PHACTR4: variants seen among roughly 807,000 people sequenced by gnomAD.
PHACTR4 encodes protein phosphatase 1, regulatory subunit 124.
PHACTR4 carries 51 observed loss-of-function variants against 72.7 expected under a neutral mutation model. The observed-to-expected ratio is 0.70, with a 90% confidence interval of 0.56 to 0.89. PHACTR4 has a LOEUF of 0.89. PHACTR4 is among the 40% of genes least tolerant of loss of function. The pLI is 0.00. For synonymous variants in PHACTR4, 255 were observed against 302.5 expected (o/e 0.84, Z 1.63); for missense variants, 731 against 861.8 (o/e 0.85, Z 1.90).
At chr1:28,476,807 G>A (rs998663209) in intron 8 of PHACTR4, among the ~76,000 whole-genome samples, 2 of 113,106 alleles carry the variant, frequency 1.8e-5, no homozygotes, top group Admixed American at 1.9e-4. Context: ...TTTTGCTCTT[G>A]TTGCCCAGGC....
intron 9 of PHACTR4, among the ~76,000 whole-genome samples, chr1:28,486,193 C>T (rs1660634535): frequency 6.6e-6 from 1 of 151,840 alleles, no homozygotes; most frequent in South Asian, 2.1e-4. Flanking sequence ...TTCATCTCTA[C>T]TAAAAATACA....
chr1:28,449,544 A>T (rs1657780270), intron 2 of PHACTR4, among the ~76,000 whole-genome samples: 1 of 152,150 alleles, frequency 6.6e-6, no homozygotes, highest in African/African-American at 2.4e-5. Flanking sequence ...TAAATATCAT[A>T]CATTTATTTA....
At chr1:28,437,441 G>A (rs982460071) in intron 2 of PHACTR4, among the ~76,000 whole-genome samples, 2 of 152,088 alleles carry the variant, frequency 1.3e-5, no homozygotes, top group African/African-American at 2.4e-5. Flanking sequence ...TGTTACCCAC[G>A]CTGATCTCGA....
At chr1:28,485,314 C>T (rs1372221822) in intron 9 of PHACTR4, among the ~76,000 whole-genome samples, 2 of 152,108 alleles carry the variant, frequency 1.3e-5, no homozygotes, top group East Asian at 3.8e-4. Context: ...GTAGACTGGG[C>T]GCGGTGGCTC....
At chr1:28,396,645 T>C (rs957424610) in intron 1 of PHACTR4, among the ~76,000 whole-genome samples, 9 of 151,854 alleles carry the variant, frequency 5.9e-5, no homozygotes, top group African/African-American at 1.9e-4. Context: ...ACTTTCTTAA[T>C]TTTCTCTAGT....
chr1:28,495,322 G>A (rs1207395842), intron 13 of PHACTR4, among the ~76,000 whole-genome samples: 2 of 151,846 alleles, frequency 1.3e-5, no homozygotes, highest in African/African-American at 4.8e-5. Context: ...TTCCCAGGCT[G>A]GTCTTGAATT....
At chr1:28,370,069 C>T (rs1651108427) in intron 1 of PHACTR4, among the ~76,000 whole-genome samples, 1 of 152,078 alleles carries the variant, frequency 6.6e-6, no homozygotes, top group South Asian at 2.1e-4. Flanking sequence ...GGCTCGCCCT[C>T]TCCGCCCCCC....
At chr1:28,392,613 G>A (rs1164375354) in intron 1 of PHACTR4, among the ~76,000 whole-genome samples, 1 of 151,336 alleles carries the variant, frequency 6.6e-6, no homozygotes, top group Non-Finnish European at 1.5e-5. Flanking sequence ...ATGTTACCTC[G>A]AACTCCTGGG....
Position 28,482,785 on chromosome 1 carries a change from A to T in PHACTR4, c.1760+2181A>T, listed in dbSNP as rs553685688. ...TGAGATCCCATCTGTACAAAAAATTAAAAAATTAGCTGGGCATGGTGGCAC... is the reference window on the plus strand; with the variant it reads ...TGAGATCCCATCTGTACAAAAAATTTAAAAATTAGCTGGGCATGGTGGCAC... On this transcript the variant is annotated intron_variant, in intron 9 of 13. Transcript: ENST00000373839. 1.0e-3 allele frequency among the ~76,000 whole-genome samples: 155 copies of T among 151,906 alleles called. 4 individuals carry two copies. In the South Asian group the frequency reaches 0.03, roughly 30 times the overall value.
At chr1:28,490,684 A>G (rs1410650419) in intron 10 of PHACTR4, among the ~76,000 whole-genome samples, 1 of 151,726 alleles carries the variant, frequency 6.6e-6, no homozygotes, top group Non-Finnish European at 1.5e-5. Flanking sequence ...TGTCTCTACT[A>G]AAAATACAAA....
intron 2 of PHACTR4, among the ~76,000 whole-genome samples, chr1:28,435,757 TG>T (rs1284925813): frequency 6.6e-6 from 1 of 152,328 alleles, no homozygotes; most frequent in African/African-American, 2.4e-5. Context: ...ATAACGATGT[TG>T]TTAATTACAA....
rs1178105178 is a variant in PHACTR4, at chr1:28,499,959, G to A, written c.*3410G>A. Reference sequence around the variant, plus strand: ...TTTTGTGGCTTGAGATGATATTTTCGAACCCTTCTTTCACTACCTTTCTTA... The same window carrying A: ...TTTTGTGGCTTGAGATGATATTTTCAAACCCTTCTTTCACTACCTTTCTTA... On this transcript the variant is annotated 3_prime_UTR_variant, in exon 14 of 14. Coordinates refer to ENST00000373839, the MANE Select transcript of PHACTR4 (RefSeq NM_001048183.3). The A allele has an allele frequency of 2.0e-5, 3 of 152,012 alleles. No homozygotes were observed. Among genetic ancestry groups the A allele is most frequent in the Non-Finnish European group, 4.4e-5 (3 of 68,006 alleles). The allele number at this position is 152,012 out of a possible 1,614,324, so 9.4% of individuals were successfully genotyped here.
intron 2 of PHACTR4, among the ~76,000 whole-genome samples, chr1:28,410,566 G>T (rs1254378823): frequency 2.0e-5 from 3 of 152,050 alleles, no homozygotes; most frequent in Admixed American, 1.3e-4. Context: ...ATTTTCTAGG[G>T]AGTATCAACG....
intron 2 of PHACTR4, chr1:28,453,623 CA>C: frequency 8.0e-7 from 1 of 1,245,134 alleles, no homozygotes; most frequent in Non-Finnish European, 1.1e-6. Context: ...TGAGGTGAAA[CA>C]AATAGAGAAG....
intron 2 of PHACTR4, among the ~76,000 whole-genome samples, chr1:28,417,575 C>T (rs1655183400): frequency 6.6e-6 from 1 of 152,062 alleles, no homozygotes; most frequent in Non-Finnish European, 1.5e-5. Context: ...CTGGGCAGGA[C>T]AGAGCAGGAT....
At chr1:28,382,592 C>T (rs994701162) in intron 1 of PHACTR4, among the ~76,000 whole-genome samples, 4 of 151,922 alleles carry the variant, frequency 2.6e-5, no homozygotes, top group Non-Finnish European at 5.9e-5. Flanking sequence ...CGTGAGCCAC[C>T]GCGCCCGGCC....
At chr1:28,450,903 C>G (rs758864606) in intron 2 of PHACTR4, among the ~76,000 whole-genome samples, 1 of 149,912 alleles carries the variant, frequency 6.7e-6, no homozygotes, top group East Asian at 1.9e-4. Flanking sequence ...CTCTGCCTCC[C>G]GGGTTCAAGA....
At chr1:28,483,851 C>G (rs994814600) in intron 9 of PHACTR4, among the ~76,000 whole-genome samples, 2 of 151,196 alleles carry the variant, frequency 1.3e-5, no homozygotes, top group Non-Finnish European at 1.5e-5. Context: ...ATCCTATACC[C>G]TATAAGCCAG....
chr1:28,395,584 AAT>A (rs1280410404), intron 1 of PHACTR4, among the ~76,000 whole-genome samples: 1 of 151,828 alleles, frequency 6.6e-6, no homozygotes, highest in African/African-American at 2.4e-5. Context: ...ACTCCTCAGT[AAT>A]ATGTTACATA....
Sources: gnomAD v4.1 joint callset for allele counts (sites outside exome capture counted in the v4.1 genomes callset) on GRCh38, gnomAD v4.1.1 for gene constraint, MANE v1.5 for transcripts, NCBI Gene and HGNC (gene_info 2026-07-23, HGNC 2026-07-21) for gene names.